Variants in TMC1 observed in about 807,000 individuals in gnomAD.
TMC1 encodes the protein transmembrane channel like 1.
In TMC1, 84 loss-of-function variants were observed where a neutral mutation model predicts 105.8. That is an observed-to-expected ratio of 0.79 (90% CI 0.67 to 0.95). TMC1 has a LOEUF of 0.95. TMC1 is among the 40% of genes least tolerant of loss of function. TMC1 has a pLI of 0.00. For synonymous variants in TMC1, 315 were observed against 311.5 expected (o/e 1.01, Z -0.12); for missense variants, 817 against 914.1 (o/e 0.89, Z 1.37).
At chr9:72,788,906 A>G (rs914011622) in intron 14 of TMC1, among the ~76,000 whole-genome samples, 41 of 152,244 alleles carry the variant, frequency 2.7e-4, no homozygotes, top group Middle Eastern at 3.4e-3. Flanking sequence ...TATCAGAGCA[A>G]TCACAGTTTG....
chr9:72,636,317 AT>A (rs1825533709), intron 4 of TMC1, among the ~76,000 whole-genome samples: 1 of 152,210 alleles, frequency 6.6e-6, no homozygotes, highest in Admixed American at 6.5e-5. Flanking sequence ...ATAGAAAAAA[AT>A]AAAATGGCAC....
intron 10 of TMC1, among the ~76,000 whole-genome samples, chr9:72,747,335 G>A (rs973361646): frequency 2.0e-5 from 3 of 152,112 alleles, no homozygotes; most frequent in African/African-American, 7.2e-5. Flanking sequence ...CACACAGCAG[G>A]TCATTTAATT....
At chr9:72,613,702 G>A (rs921044794) in intron 2 of TMC1, among the ~76,000 whole-genome samples, 1 of 152,066 alleles carries the variant, frequency 6.6e-6, no homozygotes, top group East Asian at 1.9e-4. Flanking sequence ...GAGATGAGTG[G>A]CTGAACCATC....
chr9:72,738,740 G>A (rs529962850), intron 8 of TMC1, among the ~76,000 whole-genome samples: 5 of 151,992 alleles, frequency 3.3e-5, no homozygotes, highest in Admixed American at 6.6e-5. Flanking sequence ...TTTAAAAGTT[G>A]ACTTTATATG....
Position 72,620,643 on chromosome 9 carries a change from T to G in TMC1, c.-196+4166T>G, listed in dbSNP as rs567075886. Among the ~76,000 whole-genome samples, 5 of 152,228 alleles carry G rather than the reference T, an allele frequency of 3.3e-5. No individual in the cohort carries two copies. In the East Asian group the frequency reaches 7.7e-4, roughly 24 times the overall value. Reference sequence around the variant, plus strand: ...TTAAATCTGGAGAAAAATGGCCAAATTTGGTATAGTTGAATTTATCATGGG... The same window carrying G: ...TTAAATCTGGAGAAAAATGGCCAAAGTTGGTATAGTTGAATTTATCATGGG... On this transcript the variant is annotated intron_variant, in intron 3 of 23. Transcript: ENST00000297784.
chr9:72,719,394 T>G (rs1826977523), intron 8 of TMC1, among the ~76,000 whole-genome samples: 1 of 152,188 alleles, frequency 6.6e-6, no homozygotes, highest in South Asian at 2.1e-4. Flanking sequence ...TGTGTTTCAC[T>G]CAGCTCTCTA....
At chr9:72,668,954 T>C (rs1449482226) in intron 5 of TMC1, among the ~76,000 whole-genome samples, 6 of 152,218 alleles carry the variant, frequency 3.9e-5, no homozygotes, top group African/African-American at 1.4e-4. Flanking sequence ...CTCTCAGTTT[T>C]TGTCTCCCTA....
intron 7 of TMC1, among the ~76,000 whole-genome samples, chr9:72,697,370 G>C (rs1041338026): frequency 1.7e-4 from 26 of 152,076 alleles, no homozygotes; most frequent in African/African-American, 6.3e-4. Flanking sequence ...AATATAGTAA[G>C]GGATAGGCCA....
intron 2 of TMC1, among the ~76,000 whole-genome samples, chr9:72,583,868 T>C (rs1470355261): frequency 6.7e-6 from 1 of 148,500 alleles, no homozygotes; most frequent in East Asian, 2.0e-4. Flanking sequence ...GAAAAAGTAG[T>C]GTACAAATAA....
intron 3 of TMC1, among the ~76,000 whole-genome samples, chr9:72,623,147 G>GTTT (rs1162181237): frequency 5.3e-5 from 6 of 113,672 alleles, no homozygotes; most frequent in African/African-American, 1.0e-4. Context: ...CTCTCTCCCT[G>GTTT]TTTTTTTTTT....
intron 5 of TMC1, among the ~76,000 whole-genome samples, chr9:72,667,954 TTC>T (rs1261682403): frequency 6.6e-6 from 1 of 152,248 alleles, no homozygotes; most frequent in Non-Finnish European, 1.5e-5. Context: ...AATGTCTTCT[TTC>T]TCTCAGTTCC....
chr9:72,805,522 G>A lies in TMC1; in HGVS notation c.1695+12G>A. 2 of 1,556,710 alleles carry A rather than the reference G, an allele frequency of 1.3e-6. No individual in the cohort carries two copies. The highest frequency in any genetic ancestry group is 2.3e-5 in the East Asian group (1 of 43,242). On this transcript the variant is annotated intron_variant, in intron 18 of 23. Transcript: ENST00000297784. ...TGGAGTATGGATATGTAAGTATGAT[G>A]TTAATTTTGCTTTTTTTTTTTTTTA...
At chr9:72,634,575 G>A (rs1825502850) in intron 4 of TMC1, among the ~76,000 whole-genome samples, 2 of 152,104 alleles carry the variant, frequency 1.3e-5, no homozygotes, top group Admixed American at 1.3e-4. Flanking sequence ...AGTTAAAAAA[G>A]GCAGTTAGCT....
intron 2 of TMC1, among the ~76,000 whole-genome samples, chr9:72,607,000 T>TAG (rs796092443): frequency 0.015 from 1,874 of 128,648 alleles, 17 homozygotes; most frequent in African/African-American, 0.031. Context: ...TATATATATA[T>TAG]ATAGAGAGAG....
intron 2 of TMC1, among the ~76,000 whole-genome samples, chr9:72,594,712 T>C (rs1824690754): frequency 6.6e-6 from 1 of 152,114 alleles, no homozygotes. Context: ...TATTTTATAT[T>C]CTCTCATATT....
intron 2 of TMC1, among the ~76,000 whole-genome samples, chr9:72,589,971 G>C (rs1314196534): frequency 6.6e-6 from 1 of 152,154 alleles, no homozygotes; most frequent in African/African-American, 2.4e-5. Flanking sequence ...CTGTGTTTGG[G>C]CTGAGGGAGA....
chr9:72,611,931 G>A (rs1178113826), intron 2 of TMC1, among the ~76,000 whole-genome samples: 1 of 151,996 alleles, frequency 6.6e-6, no homozygotes, highest in African/African-American at 2.4e-5. Flanking sequence ...TGTCCCCCAC[G>A]GCCATTCTCT....
chr9:72,747,508 A>G (rs866580577), intron 10 of TMC1, among the ~76,000 whole-genome samples: 8 of 152,224 alleles, frequency 5.3e-5, no homozygotes, highest in African/African-American at 1.9e-4. Context: ...AGAAACAAGA[A>G]TATTCAGGAA....
rs576303665 is a variant in TMC1, at chr9:72,599,745, G to A, written c.-305-16623G>A. On this transcript the variant is annotated intron_variant, in intron 2 of 23. Transcript: ENST00000297784. ...AAGTCACTTGAACCCAGGAGATGGA[G>A]GTTGCAGTGAGCCGAGATCATGCCA... 5.9e-5 allele frequency among the ~76,000 whole-genome samples: 9 copies of A among 151,790 alleles called. No homozygotes were observed. In the South Asian group the frequency reaches 1.7e-3, roughly 28 times the overall value.
Sources: gnomAD v4.1 joint callset for allele counts (sites outside exome capture counted in the v4.1 genomes callset) on GRCh38, gnomAD v4.1.1 for gene constraint, MANE v1.5 for transcripts, NCBI Gene and HGNC (gene_info 2026-07-23, HGNC 2026-07-21) for gene names.